SMCO2: variants seen among roughly 807,000 people sequenced by gnomAD.
SMCO2 encodes single-pass membrane and coiled-coil domain-containing protein 2.
SMCO2 carries 25 observed loss-of-function variants against 29.5 expected under a neutral mutation model. The ratio of observed to expected loss-of-function variants is 0.85; its 90% CI spans 0.62 to 1.18. The LOEUF (loss-of-function observed/expected upper bound fraction) is 1.18. Among genes scored for constraint, SMCO2 ranks in the 50% most tolerant of loss-of-function variants. The pLI, the probability that SMCO2 is intolerant of heterozygous loss-of-function variation, is 0.00. For synonymous variants in SMCO2, 117 were observed against 123.3 expected (o/e 0.95, Z 0.34); for missense variants, 348 against 344.5 (o/e 1.01, Z -0.08).
intron 4 of SMCO2, among the ~76,000 whole-genome samples, chr12:27,477,728 C>T (rs372611): frequency 7.2e-5 from 10 of 139,658 alleles, no homozygotes; most frequent in African/African-American, 2.4e-4. Flanking sequence ...TCTATTATTT[C>T]AGCTCTTTAT....
At chr12:27,476,130 G>C (rs1457615397) in intron 4 of SMCO2, among the ~76,000 whole-genome samples, 1 of 152,112 alleles carries the variant, frequency 6.6e-6, no homozygotes. Flanking sequence ...TGGTCATTCA[G>C]GAGCATGTTG....
chr12:27,439,387 A>G, the SMCO2 span, among the ~76,000 whole-genome samples: 2 of 152,210 alleles, frequency 1.3e-5, no homozygotes, highest in Non-Finnish European at 2.9e-5. Flanking sequence ...CCTAGAATTG[A>G]AAAGGAGGCA....
At chr12:27,430,701 G>A in the SMCO2 span, among the ~76,000 whole-genome samples, 2,555 of 152,210 alleles carry the variant, frequency 0.017, 31 homozygotes, top group Non-Finnish European at 0.028. Flanking sequence ...AATACTTACC[G>A]TGGCTGGCAC....
the SMCO2 span, among the ~76,000 whole-genome samples, chr12:27,433,878 A>G: frequency 6.6e-6 from 1 of 152,344 alleles, no homozygotes; most frequent in East Asian, 1.9e-4. Context: ...ATTAAAAATC[A>G]TACCAACAGT....
intron 5 of SMCO2, among the ~76,000 whole-genome samples, chr12:27,493,448 C>T (rs1349082289): frequency 6.6e-6 from 1 of 152,064 alleles, no homozygotes; most frequent in African/African-American, 2.4e-5. Flanking sequence ...GGGAAGATCA[C>T]ATGAGCCTGG....
chr12:27,443,056 C>T, the SMCO2 span, among the ~76,000 whole-genome samples: 1 of 152,100 alleles, frequency 6.6e-6, no homozygotes, highest in South Asian at 2.1e-4. Flanking sequence ...GAAGAAAATA[C>T]CACAAAAGAA....
the SMCO2 span, among the ~76,000 whole-genome samples, chr12:27,439,260 C>T: frequency 3.3e-5 from 5 of 152,258 alleles, no homozygotes; most frequent in Non-Finnish European, 4.4e-5. Context: ...CCCCTGGGCA[C>T]GAACCCTAGC....
Position 27,472,880 on chromosome 12 carries a change from A to G in SMCO2, c.234+5A>G, listed in dbSNP as rs1040033312. The G allele has an allele frequency of 4.3e-5, 66 of 1,547,968 alleles. No individual in the cohort carries two copies. The highest frequency in any genetic ancestry group is 5.4e-5 in the Non-Finnish European group (62 of 1,144,388). ...CAAACTGACTTCCTTCACAAGGTAG[A>G]CACTGAAAAATGGGTAAGAGAGACA... On this transcript the variant is annotated splice_donor_5th_base_variant and intron_variant, in intron 3 of 7. Coordinates refer to ENST00000298876, the Ensembl canonical transcript of SMCO2.
At chr12:27,480,789 G>A (rs1949636055) in intron 4 of SMCO2, among the ~76,000 whole-genome samples, 1 of 152,066 alleles carries the variant, frequency 6.6e-6, no homozygotes, top group Admixed American at 6.5e-5. Flanking sequence ...AGCTTCCTGA[G>A]GCCCTTACCA....
the SMCO2 span, among the ~76,000 whole-genome samples, chr12:27,429,709 T>C: frequency 1.3e-4 from 20 of 152,300 alleles, no homozygotes; most frequent in South Asian, 3.9e-3. Flanking sequence ...TTGTGGGTAA[T>C]ATGACAGCTA....
chr12:27,430,177 G>A, the SMCO2 span, among the ~76,000 whole-genome samples: 800 of 152,210 alleles, frequency 5.3e-3, 4 homozygotes, highest in Admixed American at 0.01. Context: ...TCTGGTACTC[G>A]TTTTGAAATG....
the SMCO2 span, among the ~76,000 whole-genome samples, chr12:27,432,513 T>G: frequency 2.0e-5 from 3 of 152,158 alleles, no homozygotes; most frequent in African/African-American, 7.2e-5. Flanking sequence ...TACAACTATA[T>G]AAGAAGAAAT....
At chr12:27,469,946 A>T (rs1949527773) in intron 1 of SMCO2, among the ~76,000 whole-genome samples, 1 of 152,222 alleles carries the variant, frequency 6.6e-6, no homozygotes, top group Admixed American at 6.5e-5. Flanking sequence ...GCAATTTGGA[A>T]ATATTTGTCT....
At chr12:27,489,470 GA>G (rs1243194204) in intron 5 of SMCO2, among the ~76,000 whole-genome samples, 1 of 151,964 alleles carries the variant, frequency 6.6e-6, no homozygotes, top group African/African-American at 2.4e-5. Flanking sequence ...AAAGGTCCCT[GA>G]AAAAGAAAAA....
chr12:27,456,764 G>C, the SMCO2 span, among the ~76,000 whole-genome samples: 1 of 152,224 alleles, frequency 6.6e-6, no homozygotes, highest in Admixed American at 6.5e-5. Flanking sequence ...TAGAGCAGGG[G>C]TTCCCAACCC....
At chr12:27,427,946 T>G in the SMCO2 span, among the ~76,000 whole-genome samples, 1 of 152,174 alleles carries the variant, frequency 6.6e-6, no homozygotes, top group Non-Finnish European at 1.5e-5. Context: ...TGGGGAATGC[T>G]GATTGGTCGG....
rs1422044671 is a variant in SMCO2 at position 27,495,346 on chromosome 12, G to T, written c.508-334G>T. Among the ~76,000 whole-genome samples the T allele has an allele frequency of 2.0e-5, 3 of 150,726 alleles. 1 individual carries two copies. Among genetic ancestry groups the T allele is most frequent in the African/African-American group, 7.4e-5 (3 of 40,292 alleles). ...TAACACTGTATCCTAGAACCTGTTA[G>T]CAGTAATCACCCAATAAATATGCTT... On this transcript the variant is annotated intron_variant, in intron 6 of 7. Transcript: ENST00000298876.
chr12:27,501,065 A>G (rs1318937321), intron 7 of SMCO2, among the ~76,000 whole-genome samples: 1 of 150,628 alleles, frequency 6.6e-6, no homozygotes. Flanking sequence ...ACTTAGAATC[A>G]TATCAATAAA....
upstream of SMCO2, among the ~76,000 whole-genome samples, chr12:27,465,656 C>A (rs1348243591): frequency 6.6e-6 from 1 of 152,170 alleles, no homozygotes; most frequent in Non-Finnish European, 1.5e-5. Flanking sequence ...TTTTGAGCAC[C>A]TATTGTGCGT....
Sources: gnomAD v4.1 joint callset for allele counts (sites outside exome capture counted in the v4.1 genomes callset) on GRCh38, gnomAD v4.1.1 for gene constraint, MANE v1.5 for transcripts, NCBI Gene and HGNC (gene_info 2026-07-23, HGNC 2026-07-21) for gene names.